Variants in MSR1 observed in about 807,000 individuals in gnomAD.
MSR1 encodes macrophage scavenger receptor types I and II.
A neutral mutation model predicts 47.2 loss-of-function variants in MSR1; 53 were observed. The observed-to-expected ratio is 1.12, with a 90% CI of 0.90 to 1.41. The LOEUF is 1.41. Ranked by LOEUF, MSR1 falls within the 40% of genes most tolerant of loss-of-function variation. The pLI, the probability that MSR1 is intolerant of heterozygous loss-of-function variation, is 0.00. For missense variants in MSR1, 786 were observed against 546.9 expected (o/e 1.44, Z -4.36); for synonymous variants, 239 against 185.6 (o/e 1.29, Z -2.34).
intron 4 of MSR1, among the ~76,000 whole-genome samples, chr8:16,165,743 T>C (rs376309521): frequency 3.9e-5 from 6 of 152,034 alleles, no homozygotes; most frequent in East Asian, 3.9e-4. Flanking sequence ...ATGGTCAGAG[T>C]GTAGGACCTT....
chr8:16,119,758 A>C (rs1372164534), intron 9 of MSR1, among the ~76,000 whole-genome samples: 1 of 151,088 alleles, frequency 6.6e-6, no homozygotes, highest in Non-Finnish European at 1.5e-5. Context: ...CCCAGGCTGG[A>C]GTGCAGCAGC....
chr8:16,188,369 T>A lies in MSR1; in HGVS notation c.-5+4229A>T, dbSNP rs1802062906. Among the ~76,000 whole-genome samples, 4 of 152,128 alleles carry A rather than the reference T, an allele frequency of 2.6e-5. 1 individual carries two copies. The South Asian group carries it at 8.3e-4, about 31-fold the overall frequency. On this transcript the variant is annotated intron_variant, in intron 1 of 9. Coordinates refer to ENST00000262101, the MANE Select transcript of MSR1 (RefSeq NM_138715.3). Reference sequence around the variant, plus strand: ...AAACCCTTAATTTTTTAAATGAAACTCGAGTCTTTGGATGTATGTATACCT... The same window carrying A: ...AAACCCTTAATTTTTTAAATGAAACACGAGTCTTTGGATGTATGTATACCT...
intron 1 of MSR1, among the ~76,000 whole-genome samples, chr8:16,185,757 G>A (rs946119057): frequency 6.6e-6 from 1 of 151,002 alleles, no homozygotes; most frequent in Non-Finnish European, 1.5e-5. Context: ...GGCATTAAGA[G>A]AGAGGACAAA....
intron 1 of MSR1, among the ~76,000 whole-genome samples, chr8:16,178,402 G>T (rs999425063): frequency 1.3e-5 from 2 of 152,058 alleles, no homozygotes; most frequent in Non-Finnish European, 2.9e-5. Context: ...ATGGTTTCCA[G>T]CTTCATCCAT....
chr8:16,141,916 GATAAA>G (rs1363091075), intron 8 of MSR1, among the ~76,000 whole-genome samples: 1 of 152,048 alleles, frequency 6.6e-6, no homozygotes, highest in Non-Finnish European at 1.5e-5. Flanking sequence ...AAAAACAAAA[GATAAA>G]ATAAAGGCAG....
At chr8:16,187,941 A>G (rs1359040389) in intron 1 of MSR1, among the ~76,000 whole-genome samples, 2 of 152,154 alleles carry the variant, frequency 1.3e-5, no homozygotes, top group Non-Finnish European at 2.9e-5. Flanking sequence ...TAGTAACGTG[A>G]ACATACATAC....
chr8:16,185,840 T>C (rs1272841888), intron 1 of MSR1, among the ~76,000 whole-genome samples: 1 of 148,092 alleles, frequency 6.8e-6, no homozygotes, highest in Non-Finnish European at 1.5e-5. Context: ...AGATACCTTT[T>C]TTCAGGAAAA....
chr8:16,160,693 T>G (rs1213124403), intron 5 of MSR1, among the ~76,000 whole-genome samples: 2 of 151,544 alleles, frequency 1.3e-5, no homozygotes, highest in Non-Finnish European at 2.9e-5. Context: ...CAAGAAGGAG[T>G]AGAGACGTAG....
At chr8:16,152,670 A>G (rs780434837) in intron 6 of MSR1, among the ~76,000 whole-genome samples, 1 of 152,088 alleles carries the variant, frequency 6.6e-6, no homozygotes, top group Non-Finnish European at 1.5e-5. Flanking sequence ...TGGCCCACAC[A>G]AAGTTTCCTT....
chr8:16,183,520 T>A (rs1408672867), intron 1 of MSR1, among the ~76,000 whole-genome samples: 7 of 146,414 alleles, frequency 4.8e-5, no homozygotes, highest in African/African-American at 1.7e-4. Flanking sequence ...TATAATTACA[T>A]CTATAACATG....
intron 5 of MSR1, among the ~76,000 whole-genome samples, chr8:16,162,617 G>A (rs879423024): frequency 1.3e-4 from 20 of 152,000 alleles, no homozygotes; most frequent in Non-Finnish European, 2.6e-4. Context: ...AGGAGGCAAT[G>A]AGCAGGCCAG....
intron 6 of MSR1, among the ~76,000 whole-genome samples, chr8:16,152,437 T>C (rs1270577058): frequency 6.6e-6 from 1 of 152,100 alleles, no homozygotes; most frequent in Non-Finnish European, 1.5e-5. Flanking sequence ...TCTTCCAATA[T>C]CTATGGGTAA....
chr8:16,170,108 G>A, intron 3 of MSR1, among the ~76,000 whole-genome samples: 1 of 152,108 alleles, frequency 6.6e-6, no homozygotes, highest in East Asian at 1.9e-4. Context: ...CCAGCACTTT[G>A]GGAGGCGCAG....
chr8:16,160,208 A>T (rs1801123818), intron 5 of MSR1, among the ~76,000 whole-genome samples: 1 of 148,886 alleles, frequency 6.7e-6, no homozygotes, highest in African/African-American at 2.6e-5. Flanking sequence ...AACAATTGCA[A>T]CTCTGGCAAA....
chr8:16,177,963 T>C lies in MSR1; in HGVS notation c.26A>G (p.Asn9Ser), dbSNP rs1421125134. The change falls in exon 2 of 10, where the codon AAT becomes AGT. Residue 9 changes from asparagine (N) to serine (S), a missense_variant. Coordinates refer to ENST00000262101, the MANE Select transcript of MSR1 (RefSeq NM_138715.3). The stretch of plus-strand genomic sequence containing the variant: ...GCAGCTATCAGTGTCCTCCTGTTGA[T>C]TGTGAAAGTGATCCCACTGCTCCAT... Reference protein sequence around the residue: MEQWDHFHNQQEDTDSCSE... With the variant: MEQWDHFHSQQEDTDSCSE... 2.5e-6 allele frequency: 4 copies of C among 1,613,868 alleles called. No homozygotes were observed. Among genetic ancestry groups the C allele is most frequent in the East Asian group, 2.2e-5 (1 of 44,832 alleles).
intron 6 of MSR1, among the ~76,000 whole-genome samples, chr8:16,151,903 T>C (rs986099344): frequency 6.6e-6 from 1 of 152,174 alleles, no homozygotes; most frequent in Non-Finnish European, 1.5e-5. Context: ...CAGTTGCTGA[T>C]TGACCTCAAG....
intron 4 of MSR1, among the ~76,000 whole-genome samples, chr8:16,166,109 C>G (rs754331): frequency 6.7e-6 from 1 of 150,018 alleles, no homozygotes; most frequent in African/African-American, 2.5e-5. Context: ...TTCCTAGAAA[C>G]GAGGAATCAT....
chr8:16,170,221 G>A (rs1304440696), intron 3 of MSR1, among the ~76,000 whole-genome samples: 2 of 151,906 alleles, frequency 1.3e-5, no homozygotes, highest in Admixed American at 6.6e-5. Flanking sequence ...GGTGGCGGGC[G>A]CCTGCAGGCC....
chr8:16,110,733 C>T (rs979066837), intron 9 of MSR1, among the ~76,000 whole-genome samples: 3 of 152,068 alleles, frequency 2.0e-5, no homozygotes, highest in East Asian at 3.9e-4. Flanking sequence ...TTATCAAATA[C>T]ATTATCTGTT....
Sources: allele counts gnomAD v4.1 joint callset (sites outside exome capture counted in the v4.1 genomes callset), GRCh38; gene constraint gnomAD v4.1.1; transcripts MANE v1.5; gene names NCBI Gene and HGNC (gene_info 2026-07-23, HGNC 2026-07-21).